The following TAFA2 variants were observed in gnomAD, a reference collection of about 807,000 sequenced individuals.
TAFA2 encodes chemokine-like protein TAFA-2.
TAFA2 carries 7 observed loss-of-function variants against 18.8 expected under a neutral mutation model. That is an observed-to-expected ratio of 0.37 (90% CI 0.21 to 0.70). TAFA2 has a LOEUF of 0.70. Ranked by LOEUF, TAFA2 falls within the 30% of genes least tolerant of loss-of-function variation. TAFA2 has a pLI of 0.53. For synonymous variants in TAFA2, 60 were observed against 54.2 expected (o/e 1.11, Z -0.47); for missense variants, 122 against 158.1 (o/e 0.77, Z 1.23).
At chr12:61,978,537 CAGA>C (rs1879517382) in intron 1 of TAFA2, among the ~76,000 whole-genome samples, 1 of 151,894 alleles carries the variant, frequency 6.6e-6, no homozygotes, top group African/African-American at 2.4e-5. Flanking sequence ...ACGGGGGATG[CAGA>C]AGAACAGCCC....
At chr12:62,011,751 TAAA>T (rs202026493) in intron 1 of TAFA2, among the ~76,000 whole-genome samples, 2 of 102,862 alleles carry the variant, frequency 1.9e-5, no homozygotes, top group Non-Finnish European at 4.3e-5. Flanking sequence ...CAATAAATAC[TAAA>T]AAAAAAAAAA....
chr12:61,952,953 A>T (rs919420865), intron 1 of TAFA2, among the ~76,000 whole-genome samples: 1 of 152,120 alleles, frequency 6.6e-6, no homozygotes. Context: ...ATGTTATATT[A>T]AAATAGCCCA....
chr12:61,939,408 A>G (rs1877904157), intron 1 of TAFA2, among the ~76,000 whole-genome samples: 1 of 152,336 alleles, frequency 6.6e-6, no homozygotes, highest in East Asian at 1.9e-4. Context: ...TTTGAATACA[A>G]TGTGTATCTT....
At chr12:62,214,061 C>G (rs1419185097) in intron 1 of TAFA2, among the ~76,000 whole-genome samples, 1 of 152,186 alleles carries the variant, frequency 6.6e-6, no homozygotes, top group African/African-American at 2.4e-5. Flanking sequence ...GCATGTACTT[C>G]TAAAATTTCA....
intron 1 of TAFA2, among the ~76,000 whole-genome samples, chr12:61,929,028 G>A (rs549760400): frequency 1.3e-5 from 2 of 152,200 alleles, no homozygotes; most frequent in Admixed American, 6.5e-5. Flanking sequence ...AACAAGGGAA[G>A]GAATAGCATT....
At chr12:62,238,993 T>C (rs1013376322) in intron 1 of TAFA2, among the ~76,000 whole-genome samples, 2 of 152,220 alleles carry the variant, frequency 1.3e-5, no homozygotes. Context: ...TATGCACGTT[T>C]TTATGAAACA....
rs142447957 is a variant in TAFA2 at position 61,894,611 on chromosome 12, G to A, written c.-1-27185C>T. ...CATCTGTCACTTAACCTGAAGTCCTGGTGATATTCATACATGAACACAATT... is the reference window on the plus strand; with the variant it reads ...CATCTGTCACTTAACCTGAAGTCCTAGTGATATTCATACATGAACACAATT... On this transcript the variant is annotated intron_variant, in intron 1 of 4. Coordinates refer to ENST00000416284, the MANE Select transcript of TAFA2 (RefSeq NM_178539.5). 1.4e-3 allele frequency among the ~76,000 whole-genome samples: 215 copies of A among 152,136 alleles called. 2 individuals carry two copies. The highest frequency in any genetic ancestry group is 5.0e-3 in the African/African-American group (209 of 41,504).
chr12:61,973,335 A>C (rs1162927195), intron 1 of TAFA2, among the ~76,000 whole-genome samples: 2 of 151,502 alleles, frequency 1.3e-5, no homozygotes, highest in African/African-American at 4.8e-5. Flanking sequence ...ATATCCCCCA[A>C]GGATGACTAC....
intron 1 of TAFA2, among the ~76,000 whole-genome samples, chr12:62,097,131 C>G (rs1868985846): frequency 6.6e-6 from 1 of 152,112 alleles, no homozygotes; most frequent in African/African-American, 2.4e-5. Context: ...GTCCCAAGCA[C>G]TGTGTCAGGC....
chr12:61,927,043 C>A (rs924796107), intron 1 of TAFA2, among the ~76,000 whole-genome samples: 3 of 144,292 alleles, frequency 2.1e-5, no homozygotes, highest in Non-Finnish European at 4.5e-5. Flanking sequence ...CCACTATACT[C>A]CAACCTGGTG....
intron 1 of TAFA2, among the ~76,000 whole-genome samples, chr12:62,209,947 TC>T (rs1343068598): frequency 6.6e-6 from 1 of 152,174 alleles, no homozygotes; most frequent in African/African-American, 2.4e-5. Context: ...ACGCCTGTAA[TC>T]CCAGCACCTT....
intron 1 of TAFA2, among the ~76,000 whole-genome samples, chr12:62,014,940 T>C (rs1880883032): frequency 6.6e-6 from 1 of 152,190 alleles, no homozygotes; most frequent in African/African-American, 2.4e-5. Context: ...GGCAAATTCT[T>C]CTATTAGCAA....
At chr12:61,870,976 G>A (rs974911737) in intron 1 of TAFA2, among the ~76,000 whole-genome samples, 15 of 152,164 alleles carry the variant, frequency 9.9e-5, no homozygotes, top group Non-Finnish European at 1.6e-4. Context: ...CCAAAGTCCA[G>A]CTTAATAGCT....
At chr12:62,234,924 G>T in intron 1 of TAFA2, 1 of 835,520 alleles carries the variant, frequency 1.2e-6, no homozygotes, top group East Asian at 2.9e-5. Flanking sequence ...TCTGAGCCAC[G>T]GAGGGGGCAT....
chr12:62,196,578 G>T (rs1355440677), upstream of TAFA2, among the ~76,000 whole-genome samples: 1 of 152,118 alleles, frequency 6.6e-6, no homozygotes, highest in Non-Finnish European at 1.5e-5. Flanking sequence ...GGAGTTGGGG[G>T]AACAGCCAGT....
chr12:61,915,536 C>T (rs1250017324), intron 1 of TAFA2, among the ~76,000 whole-genome samples: 1 of 152,130 alleles, frequency 6.6e-6, no homozygotes, highest in Admixed American at 6.5e-5. Context: ...TCAGTCATAG[C>T]GGCCAAGAGG....
chr12:61,968,748 C>A (rs1879148921), intron 1 of TAFA2, among the ~76,000 whole-genome samples: 1 of 151,594 alleles, frequency 6.6e-6, no homozygotes, highest in South Asian at 2.1e-4. Flanking sequence ...ATTATTATTC[C>A]AATCAATCAC....
chr12:61,806,377 C>A (rs1303338622), intron 2 of TAFA2, among the ~76,000 whole-genome samples: 1 of 152,174 alleles, frequency 6.6e-6, no homozygotes, highest in Non-Finnish European at 1.5e-5. Context: ...GTAATATGTG[C>A]CTTTCACCTT....
chr12:62,167,482 C>G (rs755290701), intron 1 of TAFA2, among the ~76,000 whole-genome samples: 1 of 152,028 alleles, frequency 6.6e-6, no homozygotes, highest in Non-Finnish European at 1.5e-5. Context: ...CAGGATAAAA[C>G]AAATAAACAA....
Sources: gnomAD v4.1 joint callset for allele counts (sites outside exome capture counted in the v4.1 genomes callset) on GRCh38, gnomAD v4.1.1 for gene constraint, MANE v1.5 for transcripts, NCBI Gene and HGNC (gene_info 2026-07-23, HGNC 2026-07-21) for gene names.